LINGO2: variants seen among roughly 807,000 people sequenced by gnomAD.
LINGO2 encodes the protein leucine-rich repeat and immunoglobulin-like domain-containing nogo receptor-interacting protein 2.
In LINGO2, 14 loss-of-function variants were observed where a neutral mutation model predicts 30.6. The ratio of observed to expected loss-of-function variants is 0.46; its 90% CI spans 0.30 to 0.72. The LOEUF (loss-of-function observed/expected upper bound fraction) is 0.72. Among genes scored for constraint, LINGO2 ranks in the 30% least tolerant of loss-of-function variants. LINGO2 has a pLI of 0.07. For synonymous variants in LINGO2, 317 were observed against 288.5 expected (o/e 1.10, Z -1.00); for missense variants, 729 against 751.7 (o/e 0.97, Z 0.35).
chr9:28,043,231 G>C (rs143541491), intron 4 of LINGO2, among the ~76,000 whole-genome samples: 1 of 152,282 alleles, frequency 6.6e-6, no homozygotes, highest in African/African-American at 2.4e-5. Flanking sequence ...CACTTCCTCA[G>C]ACACATGATA....
rs1038222158 is a variant in LINGO2, at chr9:28,130,790, A to G, written c.-86-118385T>C. ...CTGGGCCAAATGTGCAGAAATGGAAAAAGATTAGATTCTGAGAAGTAGTAC... is the reference window on the plus strand; with the variant it reads ...CTGGGCCAAATGTGCAGAAATGGAAGAAGATTAGATTCTGAGAAGTAGTAC... On this transcript the variant is annotated intron_variant, in intron 4 of 5. Transcript: ENST00000379992. The surrounding 1 kb of genome is among the most constrained non-coding windows in gnomAD (Gnocchi z 5.2). 2.6e-5 allele frequency among the ~76,000 whole-genome samples: 4 copies of G among 152,126 alleles called. No individual in the cohort carries two copies. Among genetic ancestry groups the G allele is most frequent in the African/African-American group, 9.7e-5 (4 of 41,440 alleles).
chr9:29,192,522 T>C, the LINGO2 span, among the ~76,000 whole-genome samples: 2 of 152,082 alleles, frequency 1.3e-5, no homozygotes, highest in Non-Finnish European at 2.9e-5. Flanking sequence ...TAATCTCTTA[T>C]ACATAAAGAA....
chr9:28,792,315 T>C, the LINGO2 span, among the ~76,000 whole-genome samples: 1 of 152,012 alleles, frequency 6.6e-6, no homozygotes, highest in African/African-American at 2.4e-5. Flanking sequence ...TTATTTTTAT[T>C]TGTATTTTAA....
intron 4 of LINGO2, among the ~76,000 whole-genome samples, chr9:28,188,313 A>ATT (rs142043371): frequency 6.6e-6 from 1 of 152,102 alleles, no homozygotes; most frequent in African/African-American, 2.4e-5. Context: ...CAAAATAAGC[A>ATT]TTTTTTCTTT....
At chr9:28,891,226 C>A in the LINGO2 span, among the ~76,000 whole-genome samples, 1 of 151,930 alleles carries the variant, frequency 6.6e-6, no homozygotes, top group Non-Finnish European at 1.5e-5. Flanking sequence ...CTGTATGTAA[C>A]TATCACACAT....
At chr9:28,233,061 T>TATATATATATA (rs60875467) in intron 4 of LINGO2, among the ~76,000 whole-genome samples, 10 of 118,804 alleles carry the variant, frequency 8.4e-5, no homozygotes, top group African/African-American at 2.5e-4. Context: ...TATATATATA[T>TATATATATATA]TAGATATATA....
the LINGO2 span, among the ~76,000 whole-genome samples, chr9:28,889,977 AG>A: frequency 1.2e-4 from 19 of 152,144 alleles, no homozygotes; most frequent in Non-Finnish European, 2.6e-4. Context: ...GCATGTGTAT[AG>A]GCAATTATGC....
chr9:29,002,478 G>A, the LINGO2 span, among the ~76,000 whole-genome samples: 25,647 of 152,052 alleles, frequency 0.17, 2,252 homozygotes, highest in East Asian at 0.28. Flanking sequence ...TACTAAATGT[G>A]ACTGCTTTGA....
At chr9:28,035,161 G>A (rs1211280493) in intron 4 of LINGO2, among the ~76,000 whole-genome samples, 1 of 152,212 alleles carries the variant, frequency 6.6e-6, no homozygotes, top group Admixed American at 6.5e-5. Context: ...TTGGTACCAT[G>A]GTCTGGAGTT....
intron 3 of LINGO2, among the ~76,000 whole-genome samples, chr9:28,297,494 T>C (rs943579440): frequency 4.6e-5 from 7 of 152,182 alleles, no homozygotes; most frequent in African/African-American, 1.7e-4. Flanking sequence ...GATTCTATTC[T>C]GTTTAACATT....
At chr9:28,281,659 G>C (rs980503684) in intron 4 of LINGO2, among the ~76,000 whole-genome samples, 2 of 152,056 alleles carry the variant, frequency 1.3e-5, no homozygotes, top group Admixed American at 1.3e-4. Context: ...TAGTGGGGAA[G>C]AGAAATAGAG....
At chr9:29,051,043 G>A in the LINGO2 span, among the ~76,000 whole-genome samples, 1 of 152,064 alleles carries the variant, frequency 6.6e-6, no homozygotes, top group African/African-American at 2.4e-5. Flanking sequence ...AAAATTGAGT[G>A]TAAGATACAG....
At chr9:27,998,161 G>T (rs571907788) in intron 5 of LINGO2, among the ~76,000 whole-genome samples, 45 of 146,946 alleles carry the variant, frequency 3.1e-4, no homozygotes, top group African/African-American at 1.1e-3. Flanking sequence ...GCTAGCCTAT[G>T]TCTACATTGA....
intron 2 of LINGO2, among the ~76,000 whole-genome samples, chr9:28,439,017 A>C (rs1172545663): frequency 6.8e-6 from 1 of 147,470 alleles, no homozygotes; most frequent in Non-Finnish European, 1.5e-5. Context: ...ATAATGAAAT[A>C]CAGATATCTA....
At chr9:28,706,639 T>G in the LINGO2 span, among the ~76,000 whole-genome samples, 4 of 152,112 alleles carry the variant, frequency 2.6e-5, no homozygotes, top group African/African-American at 7.2e-5. Context: ...TTCCCTGAAA[T>G]AGGCCAATAA....
chr9:27,947,134 A>G (rs1460630544), downstream of LINGO2, among the ~76,000 whole-genome samples: 1 of 152,154 alleles, frequency 6.6e-6, no homozygotes, highest in East Asian at 1.9e-4. Flanking sequence ...GATATTTCCT[A>G]TCAGTTCTAT....
chr9:28,663,972 TACA>T (rs1160025195), intron 1 of LINGO2, among the ~76,000 whole-genome samples: 2 of 152,150 alleles, frequency 1.3e-5, no homozygotes, highest in Non-Finnish European at 2.9e-5. Context: ...AGACTGATGA[TACA>T]ACAATATTCA....
chr9:29,093,233 T>C, the LINGO2 span, among the ~76,000 whole-genome samples: 383 of 133,498 alleles, frequency 2.9e-3, 54 homozygotes, highest in Admixed American at 0.026. Context: ...ACTCATATAA[T>C]TTGCATTAAA....
chr9:28,295,661 C>T (rs748679662), intron 3 of LINGO2, among the ~76,000 whole-genome samples: 15 of 151,946 alleles, frequency 9.9e-5, no homozygotes, highest in South Asian at 2.1e-4. Context: ...TAGTATGTAC[C>T]GCCTCTTCTT....
Sources: gnomAD v4.1 joint callset for allele counts (sites outside exome capture counted in the v4.1 genomes callset) on GRCh38, gnomAD v4.1.1 for gene constraint, Gnocchi (gnomAD v3.1) non-coding constraint, MANE v1.5 for transcripts, NCBI Gene and HGNC (gene_info 2026-07-23, HGNC 2026-07-21) for gene names.